The following PCDH11X variants were observed in gnomAD, a reference collection of about 807,000 sequenced individuals.
The protein encoded by PCDH11X is protocadherin 11 X-linked.
PCDH11X carries 18 observed loss-of-function variants against 53.3 expected under a neutral mutation model. The observed-to-expected ratio is 0.34, with a 90% CI of 0.23 to 0.50. The LOEUF (loss-of-function observed/expected upper bound fraction) is 0.50. Ranked by LOEUF, PCDH11X falls within the 20% of genes least tolerant of loss-of-function variation. PCDH11X has a pLI of 0.98. For missense variants in PCDH11X, 570 were observed against 1,032.4 expected (o/e 0.55, Z 6.14); for synonymous variants, 279 against 393.3 (o/e 0.71, Z 3.44).
intron 8 of PCDH11X, among the ~76,000 whole-genome samples, chrX:92,263,455 A>G (rs114216495): frequency 0.058 from 6,524 of 111,888 alleles, 240 homozygotes; most frequent in East Asian, 0.23. Flanking sequence ...ATAAATGCTA[A>G]CAATAAAAAA....
intron 9 of PCDH11X, among the ~76,000 whole-genome samples, chrX:92,451,137 A>T (rs1211149326): frequency 9.1e-6 from 1 of 110,278 alleles, no homozygotes; most frequent in Non-Finnish European, 1.9e-5. Context: ...TGATCATTCT[A>T]ATATCTCAAG....
At chrX:92,045,163 C>T (rs1357799828) in intron 6 of PCDH11X, among the ~76,000 whole-genome samples, 2 of 108,847 alleles carry the variant, frequency 1.8e-5, no homozygotes, top group South Asian at 4.0e-4. Context: ...GATTTCAAGA[C>T]GTTCATGATG....
chrX:92,340,176 G>A (rs1188284575), intron 8 of PCDH11X, among the ~76,000 whole-genome samples: 1 of 111,675 alleles, frequency 9.0e-6, no homozygotes, highest in Non-Finnish European at 1.9e-5. Flanking sequence ...TGGTGGGAAG[G>A]ATGGGCTCCC....
chrX:92,330,138 A>T (rs957310408), intron 8 of PCDH11X, among the ~76,000 whole-genome samples: 11 of 110,308 alleles, frequency 1.0e-4, no homozygotes, highest in African/African-American at 1.3e-4. Flanking sequence ...TTAAAAATTT[A>T]AAAAAAAACT....
intron 10 of PCDH11X, among the ~76,000 whole-genome samples, chrX:92,527,591 A>C (rs1366510220): frequency 9.0e-6 from 1 of 111,182 alleles, no homozygotes; most frequent in Non-Finnish European, 1.9e-5. Context: ...CAAATGAGCC[A>C]GTCTTATTTA....
At chrX:92,248,177 T>A (rs1411685479) in intron 7 of PCDH11X, among the ~76,000 whole-genome samples, 7 of 111,117 alleles carry the variant, frequency 6.3e-5, no homozygotes, top group African/African-American at 1.3e-4. Context: ...AGACAATATG[T>A]TTCCCACCTA....
intron 6 of PCDH11X, among the ~76,000 whole-genome samples, chrX:92,166,745 A>G (rs1012156341): frequency 3.6e-5 from 4 of 109,676 alleles, no homozygotes; most frequent in African/African-American, 1.3e-4. Context: ...AAAAATTTTA[A>G]AAATTAGCTG....
chrX:91,796,471 A>T (rs1403911334), intron 1 of PCDH11X, among the ~76,000 whole-genome samples: 1 of 111,411 alleles, frequency 9.0e-6, no homozygotes, highest in Non-Finnish European at 1.9e-5. Context: ...AAATTCAATG[A>T]GAAAGAATAT....
chrX:91,868,006 T>A (rs1602391863), intron 5 of PCDH11X, among the ~76,000 whole-genome samples: 2 of 111,225 alleles, frequency 1.8e-5, no homozygotes, highest in East Asian at 5.7e-4. Flanking sequence ...TTGGGCTACA[T>A]CCTACTTCTC....
chrX:92,101,069 C>G lies in PCDH11X; in HGVS notation c.3034-100306C>G, dbSNP rs780010517. ...CTAAGGAGATTCAGCATAGTCCTGC[C>G]AGCAAAGATTATTTATTTACTTCAA... is the stretch of plus-strand genomic sequence containing the variant. On this transcript the variant is annotated intron_variant, in intron 6 of 10. Coordinates refer to ENST00000682573, the MANE Select transcript of PCDH11X (RefSeq NM_032968.5). Among the ~76,000 whole-genome samples the G allele has an allele frequency of 4.5e-3, 505 of 111,461 alleles. 4 individuals are homozygous for G. The highest frequency in any genetic ancestry group is 0.015 in the African/African-American group (467 of 30,669).
chrX:92,029,891 G>T (rs1322132098), intron 6 of PCDH11X, among the ~76,000 whole-genome samples: 1 of 112,198 alleles, frequency 8.9e-6, no homozygotes, highest in African/African-American at 3.2e-5. Flanking sequence ...TGGGGGTGTT[G>T]ATTGATATTA....
intron 7 of PCDH11X, among the ~76,000 whole-genome samples, chrX:92,241,769 T>A (rs1952367208): frequency 8.9e-6 from 1 of 111,872 alleles, no homozygotes; most frequent in Non-Finnish European, 1.9e-5. Flanking sequence ...ATAGTTTACA[T>A]TGCAATTTTT....
chrX:92,188,212 A>C (rs1466879868), intron 6 of PCDH11X, among the ~76,000 whole-genome samples: 6 of 111,134 alleles, frequency 5.4e-5, no homozygotes, highest in Admixed American at 1.9e-4. Flanking sequence ...ATAACTCTTT[A>C]TTCTCTCTAA....
In PCDH11X at chrX:91,982,923, A is replaced by C. The variant is rs1381144463; in HGVS notation, c.3033+103650A>C. The C allele has an allele frequency of 4.1e-5, 43 of 1,049,348 alleles. 1 individual carries two copies. The highest frequency in any genetic ancestry group is 5.3e-5 in the Non-Finnish European group (40 of 750,002). The allele number at this position is 1,049,348 out of a possible 1,213,427, so 86.5% of individuals were successfully genotyped here. On this transcript the variant is annotated intron_variant, in intron 6 of 10. Coordinates refer to ENST00000682573, the MANE Select transcript of PCDH11X (RefSeq NM_032968.5). Reference sequence around the variant, plus strand: ...CAACTTCTTGTTCACTTTCTGGTAAATGAGGCCACCAAACTCTGTCCCGTC... The same window carrying C: ...CAACTTCTTGTTCACTTTCTGGTAACTGAGGCCACCAAACTCTGTCCCGTC...
chrX:92,310,319 C>A (rs1340056033), intron 8 of PCDH11X, among the ~76,000 whole-genome samples: 9 of 112,492 alleles, frequency 8.0e-5, no homozygotes, highest in South Asian at 7.3e-4. Context: ...ATTCTAAAAT[C>A]TTTTTCTTTT....
chrX:91,818,740 T>A (rs1227014375), intron 4 of PCDH11X, among the ~76,000 whole-genome samples: 1 of 109,871 alleles, frequency 9.1e-6, no homozygotes, highest in African/African-American at 3.3e-5. Context: ...CAATGAAAGT[T>A]CTATTTTGGG....
chrX:91,951,407 C>T (rs1247970533), intron 6 of PCDH11X, among the ~76,000 whole-genome samples: 1 of 106,585 alleles, frequency 9.4e-6, no homozygotes, highest in Non-Finnish European at 1.9e-5. Flanking sequence ...CTAAATATGT[C>T]AACATTCATA....
chrX:92,585,475 C>G (rs1355186954), intron 10 of PCDH11X, among the ~76,000 whole-genome samples: 1 of 107,264 alleles, frequency 9.3e-6, no homozygotes, highest in African/African-American at 3.4e-5. Context: ...GGGTTCATGC[C>G]ATTCTCCTGC....
chrX:92,289,513 A>G (rs1460046118), intron 8 of PCDH11X, among the ~76,000 whole-genome samples: 1 of 111,896 alleles, frequency 8.9e-6, no homozygotes, highest in South Asian at 3.7e-4. Flanking sequence ...GCACTGATGA[A>G]TATGAACAAA....
Sources: allele counts gnomAD v4.1 joint callset (sites outside exome capture counted in the v4.1 genomes callset), GRCh38; gene constraint gnomAD v4.1.1; transcripts MANE v1.5; gene names NCBI Gene and HGNC (gene_info 2026-07-23, HGNC 2026-07-21).